FARP1: variants seen among roughly 807,000 people sequenced by gnomAD.
The protein encoded by FARP1 is FERM, ARHGEF and pleckstrin domain-containing protein 1.
In FARP1, 52 loss-of-function variants were observed where a neutral mutation model predicts 128.8. The ratio of observed to expected loss-of-function variants is 0.40; its 90% CI spans 0.32 to 0.51. The LOEUF (loss-of-function observed/expected upper bound fraction) is 0.51, where lower values mean the gene tolerates loss of function less well. Among genes scored for constraint, FARP1 ranks in the 20% least tolerant of loss-of-function variants. FARP1 has a pLI of 0.45. For missense variants in FARP1, 1,333 were observed against 1,367.9 expected (o/e 0.97, Z 0.40); for synonymous variants, 580 against 551.8 (o/e 1.05, Z -0.72).
chr13:98,277,581 C>T (rs73558917), intron 2 of FARP1, among the ~76,000 whole-genome samples: 6,331 of 152,158 alleles, frequency 0.042, 431 homozygotes, highest in African/African-American at 0.14. Flanking sequence ...TGGGTGGTGG[C>T]GCTGGGAAAG....
chr13:98,444,102 T>G (rs1376964848), intron 24 of FARP1, among the ~76,000 whole-genome samples: 1 of 145,086 alleles, frequency 6.9e-6, no homozygotes, highest in Non-Finnish European at 1.5e-5. Flanking sequence ...GCTGCGGCAG[T>G]CTTCTTCTCG....
At chr13:98,225,415 C>T (rs889302168) in intron 2 of FARP1, among the ~76,000 whole-genome samples, 1 of 152,202 alleles carries the variant, frequency 6.6e-6, no homozygotes, top group Admixed American at 6.5e-5. Context: ...ATTACGATCT[C>T]ACCCATTATT....
At position 98,176,543 on chromosome 13, in the gene FARP1, C is replaced by T; in HGVS notation, c.-24+33051C>T. ...TCCTCGCAGATACAGTAGCGACCCT[C>T]TTCAAGCTCCCGTTCAATCTCCCAC... On this transcript the variant is annotated intron_variant, in intron 1 of 26. Coordinates refer to ENST00000319562, the MANE Select transcript of FARP1 (RefSeq NM_005766.4). This position sits in a 1 kb window ranked among gnomAD's most constrained non-coding sequence, Gnocchi z 6.2. 1 of 1,614,248 alleles carries T rather than the reference C, an allele frequency of 6.2e-7. No homozygotes were observed. The highest frequency in any genetic ancestry group is 8.5e-7 in the Non-Finnish European group (1 of 1,180,050).
chr13:98,258,115 C>T (rs1390836859), intron 2 of FARP1, among the ~76,000 whole-genome samples: 3 of 151,960 alleles, frequency 2.0e-5, no homozygotes, highest in East Asian at 1.9e-4. Context: ...CTGAGGCACC[C>T]GCGACCGTGC....
intron 2 of FARP1, among the ~76,000 whole-genome samples, chr13:98,310,871 C>T (rs1347098481): frequency 6.6e-6 from 1 of 152,170 alleles, no homozygotes; most frequent in Non-Finnish European, 1.5e-5. Flanking sequence ...CAGAGAGAAG[C>T]TCTTTGGAAA....
At chr13:98,205,442 G>A (rs1880209564) in intron 1 of FARP1, among the ~76,000 whole-genome samples, 1 of 151,986 alleles carries the variant, frequency 6.6e-6, no homozygotes, top group South Asian at 2.1e-4. Flanking sequence ...ACCCAGGCTG[G>A]AGTACAGTGG....
chr13:98,312,025 T>G (rs1244731398), intron 2 of FARP1, among the ~76,000 whole-genome samples: 2 of 151,474 alleles, frequency 1.3e-5, no homozygotes, highest in African/African-American at 2.4e-5. Flanking sequence ...TGTATTTTTT[T>G]AGGTAGAGAC....
At chr13:98,253,573 G>A (rs968999451) in intron 2 of FARP1, among the ~76,000 whole-genome samples, 109 of 152,314 alleles carry the variant, frequency 7.2e-4, no homozygotes, top group African/African-American at 2.6e-3. Context: ...CTCAAAAGGT[G>A]GTTGTGAGGA....
At chr13:98,405,473 G>T (rs1308171753) in intron 13 of FARP1, 1 of 152,160 alleles carries the variant, frequency 6.6e-6, no homozygotes, top group Non-Finnish European at 1.5e-5. Flanking sequence ...TCAGTCTGAG[G>T]GGGGCAGCAT....
intron 1 of FARP1, among the ~76,000 whole-genome samples, chr13:98,158,771 G>A (rs1409373695): frequency 6.6e-6 from 1 of 152,144 alleles, no homozygotes; most frequent in Non-Finnish European, 1.5e-5. Flanking sequence ...CTGTCTGGTG[G>A]TTTAAAAAAT....
At chr13:98,192,941 G>A (rs1310117444) in intron 1 of FARP1, among the ~76,000 whole-genome samples, 1 of 152,146 alleles carries the variant, frequency 6.6e-6, no homozygotes, top group Non-Finnish European at 1.5e-5. Context: ...AGTTGTATAC[G>A]TGTCACACAC....
At chr13:98,207,907 TCCACACACACACACACAC>T (rs1180820066) in intron 1 of FARP1, among the ~76,000 whole-genome samples, 91 of 33,164 alleles carry the variant, frequency 2.7e-3, no homozygotes, top group African/African-American at 0.01. Context: ...GACCACCACC[TCCACACACACACACACAC>T]ACACACACAC....
intron 6 of FARP1, among the ~76,000 whole-genome samples, chr13:98,381,233 C>T (rs1314169164): frequency 6.6e-6 from 1 of 152,192 alleles, no homozygotes; most frequent in African/African-American, 2.4e-5. Context: ...TGAAAGGAGG[C>T]ATTTCATAGA....
intron 1 of FARP1, among the ~76,000 whole-genome samples, chr13:98,211,096 G>A (rs1471727404): frequency 1.3e-5 from 2 of 152,036 alleles, no homozygotes; most frequent in African/African-American, 4.8e-5. Flanking sequence ...TTGTTGTTGT[G>A]TTGTTACTCT....
chr13:98,369,599 A>C (rs1355976583), intron 5 of FARP1, among the ~76,000 whole-genome samples: 1 of 151,594 alleles, frequency 6.6e-6, no homozygotes, highest in Non-Finnish European at 1.5e-5. Flanking sequence ...CACACCTATG[A>C]GTGAGAACAT....
intron 2 of FARP1, among the ~76,000 whole-genome samples, chr13:98,224,909 A>T (rs947471439): frequency 1.3e-5 from 2 of 152,050 alleles, no homozygotes; most frequent in African/African-American, 4.8e-5. Flanking sequence ...TGGCCACGGG[A>T]TCCTTTTTAC....
At chr13:98,263,872 C>T (rs1415071314) in intron 2 of FARP1, among the ~76,000 whole-genome samples, 5 of 152,136 alleles carry the variant, frequency 3.3e-5, no homozygotes, top group Non-Finnish European at 4.4e-5. Context: ...CCCCCAACAA[C>T]ATTTTATTAG....
intron 13 of FARP1, chr13:98,404,013 C>CCACCAT (rs551968254): frequency 0.011 from 1,584 of 141,254 alleles, 16 homozygotes; most frequent in African/African-American, 0.022. Flanking sequence ...ACCACCACCA[C>CCACCAT]CACCATCACC....
chr13:98,150,003 C>T (rs888670980), intron 1 of FARP1, among the ~76,000 whole-genome samples: 6 of 151,754 alleles, frequency 4.0e-5, no homozygotes, highest in African/African-American at 1.2e-4. Flanking sequence ...TCCCAAAGTG[C>T]TGGGATTACA....
Sources: gnomAD v4.1 joint callset for allele counts (sites outside exome capture counted in the v4.1 genomes callset) on GRCh38, gnomAD v4.1.1 for gene constraint, Gnocchi (gnomAD v3.1) non-coding constraint, MANE v1.5 for transcripts, NCBI Gene and HGNC (gene_info 2026-07-23, HGNC 2026-07-21) for gene names.